Variants in HS3ST4 observed in about 807,000 individuals in gnomAD.
The protein encoded by HS3ST4 is heparan sulfate glucosamine 3-O-sulfotransferase 4.
Under a neutral mutation model 29.2 loss-of-function variants are expected in HS3ST4, and 17 were observed. The observed-to-expected ratio is 0.58, with a 90% CI of 0.40 to 0.87. The LOEUF is 0.87. HS3ST4 is among the 40% of genes least tolerant of loss of function. The probability of loss-of-function intolerance (pLI) is 0.00; values close to 1 mark genes in which losing one functional copy is unlikely to be tolerated. For synonymous variants in HS3ST4, 314 were observed against 285.7 expected (o/e 1.10, Z -1.00); for missense variants, 627 against 634.5 (o/e 0.99, Z 0.13).
intron 1 of HS3ST4, among the ~76,000 whole-genome samples, chr16:25,778,142 A>ATG (rs970344852): frequency 2.6e-5 from 4 of 152,002 alleles, no homozygotes; most frequent in Non-Finnish European, 5.9e-5. Flanking sequence ...ACTAAAATAT[A>ATG]TATATATATT....
At chr16:25,980,551 T>C (rs892127240) in intron 1 of HS3ST4, among the ~76,000 whole-genome samples, 5 of 152,100 alleles carry the variant, frequency 3.3e-5, no homozygotes, top group African/African-American at 7.2e-5. Context: ...TCTCCTGTGG[T>C]TCCTGGAAAC....
At chr16:26,116,522 A>G (rs984372473) in intron 1 of HS3ST4, among the ~76,000 whole-genome samples, 1 of 152,170 alleles carries the variant, frequency 6.6e-6, no homozygotes, top group Non-Finnish European at 1.5e-5. Context: ...TACAGTTTCT[A>G]TTTTAATAGA....
intron 1 of HS3ST4, among the ~76,000 whole-genome samples, chr16:25,961,908 C>G (rs1317222637): frequency 6.6e-6 from 1 of 152,086 alleles, no homozygotes. Flanking sequence ...GTCTAGCTCC[C>G]AATTATGTAT....
intron 1 of HS3ST4, among the ~76,000 whole-genome samples, chr16:25,714,326 T>C (rs1317340014): frequency 6.6e-6 from 1 of 152,144 alleles, no homozygotes; most frequent in Non-Finnish European, 1.5e-5. Context: ...CTCCTCCCCT[T>C]TGTCTGATTA....
At chr16:25,930,998 T>C (rs190839743) in intron 1 of HS3ST4, among the ~76,000 whole-genome samples, 53 of 152,322 alleles carry the variant, frequency 3.5e-4, no homozygotes, top group Admixed American at 8.5e-4. Flanking sequence ...GGTCTTGAAC[T>C]CCTAAGCTCA....
intron 1 of HS3ST4, among the ~76,000 whole-genome samples, chr16:25,828,647 A>C (rs1330290909): frequency 6.6e-6 from 1 of 151,808 alleles, no homozygotes; most frequent in Admixed American, 6.6e-5. Context: ...GGCCCCCGAT[A>C]AGTAGTTTTT....
At chr16:25,971,389 C>A (rs568820349) in intron 1 of HS3ST4, among the ~76,000 whole-genome samples, 1 of 152,218 alleles carries the variant, frequency 6.6e-6, no homozygotes, top group Admixed American at 6.5e-5. Flanking sequence ...CACTGTTTAT[C>A]CTCCTCCCAC....
At chr16:26,073,563 G>A (rs2141778443) in intron 1 of HS3ST4, among the ~76,000 whole-genome samples, 1 of 152,176 alleles carries the variant, frequency 6.6e-6, no homozygotes, top group African/African-American at 2.4e-5. Context: ...TGTAGAGACA[G>A]GGTCTCACTA....
chr16:25,909,682 G>C (rs1185717653), intron 1 of HS3ST4, among the ~76,000 whole-genome samples: 1 of 152,064 alleles, frequency 6.6e-6, no homozygotes, highest in Non-Finnish European at 1.5e-5. Context: ...TTCTACTTGC[G>C]GTATCTCATT....
chr16:26,038,274 C>A (rs886401310), intron 1 of HS3ST4, among the ~76,000 whole-genome samples: 2 of 152,168 alleles, frequency 1.3e-5, no homozygotes, highest in Non-Finnish European at 2.9e-5. Context: ...TCTGACTCAA[C>A]TAAAAAGGGA....
chr16:25,935,014 A>G (rs747735471), intron 1 of HS3ST4, among the ~76,000 whole-genome samples: 15 of 152,022 alleles, frequency 9.9e-5, no homozygotes, highest in Non-Finnish European at 1.9e-4. Context: ...TGTTCTCATG[A>G]TAGTGAATGA....
chr16:25,952,438 G>A (rs1968691464), intron 1 of HS3ST4, among the ~76,000 whole-genome samples: 1 of 152,118 alleles, frequency 6.6e-6, no homozygotes, highest in Non-Finnish European at 1.5e-5. Flanking sequence ...TCCATCAGGG[G>A]GATTCAAGCA....
chr16:25,937,185 A>G (rs73517544), intron 1 of HS3ST4, among the ~76,000 whole-genome samples: 2,503 of 152,066 alleles, frequency 0.016, 72 homozygotes, highest in African/African-American at 0.056. Flanking sequence ...CTGGTTGCCA[A>G]CAAAAGAGAA....
chr16:25,759,777 A>G (rs555936141), intron 1 of HS3ST4, among the ~76,000 whole-genome samples: 1 of 152,194 alleles, frequency 6.6e-6, no homozygotes, highest in South Asian at 2.1e-4. Flanking sequence ...AAATTTAAAA[A>G]ATTAACCAGA....
chr16:25,848,231 C>T (rs1179192639), intron 1 of HS3ST4, among the ~76,000 whole-genome samples: 6 of 152,106 alleles, frequency 3.9e-5, no homozygotes, highest in African/African-American at 7.2e-5. Context: ...CTCTGCCTCC[C>T]GAGTTCAAGC....
At chr16:26,037,516 G>C (rs1279924809) in intron 1 of HS3ST4, among the ~76,000 whole-genome samples, 1 of 152,186 alleles carries the variant, frequency 6.6e-6, no homozygotes, top group Non-Finnish European at 1.5e-5. Context: ...GCAGACAGAG[G>C]GTTGGGATTT....
chr16:25,864,093 C>T (rs574220539), intron 1 of HS3ST4, among the ~76,000 whole-genome samples: 1 of 152,328 alleles, frequency 6.6e-6, no homozygotes, highest in South Asian at 2.1e-4. Flanking sequence ...TCTCCTCTTC[C>T]TAAAGGGACA....
At chr16:25,794,852 T>C (rs1966878423) in intron 1 of HS3ST4, among the ~76,000 whole-genome samples, 1 of 151,296 alleles carries the variant, frequency 6.6e-6, no homozygotes, top group African/African-American at 2.4e-5. Context: ...TTTACTCTTC[T>C]TTTAGGATGC....
At chr16:26,081,959 C>T (rs1400814062) in intron 1 of HS3ST4, among the ~76,000 whole-genome samples, 1 of 151,962 alleles carries the variant, frequency 6.6e-6, no homozygotes, top group Non-Finnish European at 1.5e-5. Flanking sequence ...CCATGCTTGG[C>T]TAATTTTGTA....
Sources: gnomAD v4.1 joint callset for allele counts (sites outside exome capture counted in the v4.1 genomes callset) on GRCh38, gnomAD v4.1.1 for gene constraint, MANE v1.5 for transcripts, NCBI Gene and HGNC (gene_info 2026-07-23, HGNC 2026-07-21) for gene names.